The following LMX1A variants were observed in gnomAD, a reference collection of about 807,000 sequenced individuals.
The protein encoded by LMX1A is LIM homeobox transcription factor 1-alpha.
LMX1A carries 15 observed loss-of-function variants against 49.1 expected under a neutral mutation model. The ratio of observed to expected loss-of-function variants is 0.31; its 90% CI spans 0.20 to 0.47. The LOEUF is 0.47. Ranked by LOEUF, LMX1A falls within the 20% of genes least tolerant of loss-of-function variation. The pLI is 1.00. For missense variants in LMX1A, 372 were observed against 475.8 expected, an observed-to-expected ratio of 0.78 and a Z score of 2.03; for synonymous variants, 167 against 185.7, an observed-to-expected ratio of 0.90 and a Z score of 0.82.
chr1:165,355,147 C>T lies in LMX1A; in HGVS notation c.76+337G>A, dbSNP rs992136526. Among the ~76,000 whole-genome samples, 1 of 152,094 alleles carries T rather than the reference C, an allele frequency of 6.6e-6. No individual in the cohort carries two copies. Among genetic ancestry groups the T allele is most frequent in the Non-Finnish European group, 1.5e-5 (1 of 68,032 alleles). On this transcript the variant is annotated intron_variant, in intron 2 of 8. Transcript: ENST00000342310. This position sits in a 1 kb window ranked among gnomAD's most constrained non-coding sequence, Gnocchi z 4.7. ...TTGCCTCTAGGCCGCGAGAAGAGGG[C>T]GGCATTTATGAGACGTCGATCAGCT...
chr1:165,252,836 A>C (rs2102640980), intron 3 of LMX1A, among the ~76,000 whole-genome samples: 1 of 152,334 alleles, frequency 6.6e-6, no homozygotes, highest in South Asian at 2.1e-4. Context: ...GAAAACATGA[A>C]CAACTGAAGA....
At chr1:165,287,242 C>T (rs1048820715) in intron 3 of LMX1A, among the ~76,000 whole-genome samples, 4 of 152,056 alleles carry the variant, frequency 2.6e-5, no homozygotes, top group African/African-American at 7.2e-5. Context: ...GAAGATGGTT[C>T]GGGGGCAGAA....
chr1:165,281,217 C>G (rs1040813744), intron 3 of LMX1A, among the ~76,000 whole-genome samples: 2 of 152,156 alleles, frequency 1.3e-5, no homozygotes, highest in African/African-American at 4.8e-5. Context: ...AAAGAAAAAG[C>G]AGAAATGCAA....
At chr1:165,339,975 C>T (rs942012529) in intron 3 of LMX1A, among the ~76,000 whole-genome samples, 2 of 152,290 alleles carry the variant, frequency 1.3e-5, no homozygotes, top group Admixed American at 6.5e-5. Flanking sequence ...CTTTGCCCCC[C>T]ATCTTTTTCT....
chr1:165,259,326 T>G (rs1297828948), intron 3 of LMX1A, among the ~76,000 whole-genome samples: 1 of 152,226 alleles, frequency 6.6e-6, no homozygotes, highest in Admixed American at 6.5e-5. Flanking sequence ...ATATTGACAC[T>G]GGCCACGAGT....
intron 3 of LMX1A, among the ~76,000 whole-genome samples, chr1:165,337,473 G>T (rs916388147): frequency 2.6e-5 from 4 of 152,128 alleles, no homozygotes; most frequent in Non-Finnish European, 2.9e-5. Context: ...AAATTAGAAA[G>T]GATTCTTGAA....
intron 5 of LMX1A, chr1:165,211,297 A>C (rs1257221124): frequency 6.6e-6 from 1 of 152,278 alleles, no homozygotes; most frequent in Non-Finnish European, 1.5e-5. Context: ...CCCTGCCCAA[A>C]GAGAATAAAA....
At chr1:165,345,812 T>C (rs1656226431) in intron 3 of LMX1A, among the ~76,000 whole-genome samples, 1 of 152,134 alleles carries the variant, frequency 6.6e-6, no homozygotes, top group South Asian at 2.1e-4. Flanking sequence ...GAGGATCGCT[T>C]TGAGGCCAAT....
At position 165,221,987 on chromosome 1, in the gene LMX1A, CCT is replaced by C. The variant is rs1321405460; in HGVS notation, c.497-8176_497-8175del. On this transcript the variant is annotated intron_variant, in intron 4 of 8. Coordinates refer to ENST00000342310, the MANE Select transcript of LMX1A (RefSeq NM_177398.4). The stretch of plus-strand genomic sequence containing the variant: ...CGCTTTCTCTCTCTCTCCATCATTC[CCT>C]CTCTGAATTTTTCCATCTCTTTCTC... Among the ~76,000 whole-genome samples, 26 of 151,492 alleles carry C rather than the reference CCT, an allele frequency of 1.7e-4. 1 individual carries two copies. The highest frequency in any genetic ancestry group is 6.3e-4 in the African/African-American group (26 of 41,300).
intron 3 of LMX1A, among the ~76,000 whole-genome samples, chr1:165,264,692 C>T (rs911830192): frequency 6.6e-6 from 1 of 152,146 alleles, no homozygotes; most frequent in African/African-American, 2.4e-5. Flanking sequence ...TGCGGTGGCT[C>T]ATGCCTATAA....
intron 3 of LMX1A, among the ~76,000 whole-genome samples, chr1:165,289,039 G>A (rs1178126161): frequency 6.6e-6 from 1 of 152,130 alleles, no homozygotes; most frequent in African/African-American, 2.4e-5. Context: ...CCCTGCTGGG[G>A]GTGTCTTACA....
chr1:165,338,564 T>C (rs191704271), intron 3 of LMX1A, among the ~76,000 whole-genome samples: 67 of 152,324 alleles, frequency 4.4e-4, no homozygotes, highest in Admixed American at 8.5e-4. Context: ...AACAGGGAAA[T>C]TGAAAAATAA....
chr1:165,316,708 C>T (rs1000321262), intron 3 of LMX1A, among the ~76,000 whole-genome samples: 7 of 152,152 alleles, frequency 4.6e-5, no homozygotes, highest in Admixed American at 1.3e-4. Flanking sequence ...CAGGGGCATC[C>T]GAGTTACACA....
chr1:165,324,614 T>C (rs1466508863), intron 3 of LMX1A, among the ~76,000 whole-genome samples: 1 of 152,164 alleles, frequency 6.6e-6, no homozygotes, highest in Non-Finnish European at 1.5e-5. Flanking sequence ...TACAGGACCA[T>C]GGAGTTTTGG....
intron 3 of LMX1A, among the ~76,000 whole-genome samples, chr1:165,299,492 G>C (rs1449696450): frequency 6.6e-6 from 1 of 152,108 alleles, no homozygotes; most frequent in East Asian, 1.9e-4. Flanking sequence ...TATCATTATT[G>C]AACAAAAGGG....
chr1:165,351,762 CAAGTTT>C (rs1372555546), intron 3 of LMX1A, among the ~76,000 whole-genome samples: 1 of 152,200 alleles, frequency 6.6e-6, no homozygotes, highest in Admixed American at 6.5e-5. Context: ...ATCACTTTGT[CAAGTTT>C]TTAAACTTGC....
At chr1:165,204,633 C>G (rs1650997112) in intron 8 of LMX1A, among the ~76,000 whole-genome samples, 2 of 152,168 alleles carry the variant, frequency 1.3e-5, no homozygotes, top group Admixed American at 1.3e-4. Flanking sequence ...GATCTGGAGG[C>G]AAAGAATGTT....
At chr1:165,263,948 T>C (rs1277137316) in intron 3 of LMX1A, among the ~76,000 whole-genome samples, 2 of 152,194 alleles carry the variant, frequency 1.3e-5, no homozygotes, top group African/African-American at 4.8e-5. Context: ...CACAAGCTCC[T>C]GATATGGTAG....
At chr1:165,284,470 G>A (rs1654245630) in intron 3 of LMX1A, among the ~76,000 whole-genome samples, 1 of 152,182 alleles carries the variant, frequency 6.6e-6, no homozygotes, top group African/African-American at 2.4e-5. Flanking sequence ...CTCATTCTGG[G>A]AGTCAAAGCT....
Sources: gnomAD v4.1 joint callset for allele counts (sites outside exome capture counted in the v4.1 genomes callset) on GRCh38, gnomAD v4.1.1 for gene constraint, Gnocchi (gnomAD v3.1) non-coding constraint, MANE v1.5 for transcripts, NCBI Gene and HGNC (gene_info 2026-07-23, HGNC 2026-07-21) for gene names.